DCBLD2: variants seen among roughly 807,000 people sequenced by gnomAD.
The protein encoded by DCBLD2 is discoidin, CUB and LCCL domain containing 2, also known as discoidin, CUB and LCCL domain-containing protein 2.
Under a neutral mutation model 86.8 loss-of-function variants are expected in DCBLD2, and 54 were observed. That is an observed-to-expected ratio of 0.62 (90% CI 0.50 to 0.78). The LOEUF (loss-of-function observed/expected upper bound fraction) is 0.78. Among genes scored for constraint, DCBLD2 ranks in the 30% least tolerant of loss-of-function variants. The pLI is 0.00. For missense variants in DCBLD2, 908 were observed against 954.2 expected (o/e 0.95, Z 0.64); for synonymous variants, 354 against 341.3 (o/e 1.04, Z -0.41).
At chr3:98,830,723 C>G (rs183282609) in intron 3 of DCBLD2, among the ~76,000 whole-genome samples, 39 of 152,194 alleles carry the variant, frequency 2.6e-4, no homozygotes, top group African/African-American at 9.4e-4. Context: ...TATTTGGGCT[C>G]CTTTTTGTTT....
At chr3:98,807,997 C>T in intron 13 of DCBLD2, 84 bp downstream of exon 13, 1 of 1,028,794 alleles carries the variant, frequency 9.7e-7, no homozygotes, top group Non-Finnish European at 1.3e-6. Context: ...CACTCTCAAA[C>T]AGGTAAACAT....
At chr3:98,878,920 C>T (rs140109124) in intron 2 of DCBLD2, among the ~76,000 whole-genome samples, 1 of 152,310 alleles carries the variant, frequency 6.6e-6, no homozygotes, top group African/African-American at 2.4e-5. Flanking sequence ...CAGAAAGTGA[C>T]TATGAAGTCT....
At position 98,839,163 on chromosome 3, in the gene DCBLD2, CTT is replaced by C. The variant is rs1361731379; in HGVS notation, c.571+10296_571+10297del. Among the ~76,000 whole-genome samples, 138 of 89,554 alleles carry C rather than the reference CTT, an allele frequency of 1.5e-3. 1 individual carries two copies. The highest frequency in any genetic ancestry group is 4.6e-3 in the African/African-American group (123 of 26,896). 58.8% of individuals were successfully genotyped at this position (89,554 alleles called of 152,430 possible). A position where few individuals can be genotyped will look rare whatever the true frequency, so the allele number is the denominator to read the frequency against. On this transcript the variant is annotated intron_variant, in intron 3 of 15. Transcript: ENST00000326840. ...TCCTTCCTTCTTTCTTTCTTTCTTTCTTTCTTTCCTTTCTTTCTTCCTTCCTT... is the reference window on the plus strand; with the variant it reads ...TCCTTCCTTCTTTCTTTCTTTCTTTCTCTTTCCTTTCTTTCTTCCTTCCTT...
chr3:98,865,705 T>G (rs72936644), intron 2 of DCBLD2, among the ~76,000 whole-genome samples: 1 of 134,370 alleles, frequency 7.4e-6, no homozygotes, highest in East Asian at 1.9e-4. Flanking sequence ...TACAATTTTC[T>G]TTTTTTATAT....
chr3:98,900,732 C>T, intron 1 of DCBLD2: 1 of 248,666 alleles, frequency 4.0e-6, no homozygotes, highest in Non-Finnish European at 7.9e-6. Flanking sequence ...CTTTAATAGG[C>T]TTAAGATGCT....
At chr3:98,869,225 ATGTT>A (rs1277449595) in intron 2 of DCBLD2, among the ~76,000 whole-genome samples, 5 of 152,070 alleles carry the variant, frequency 3.3e-5, no homozygotes, top group African/African-American at 1.2e-4. Context: ...CATTTTTCAT[ATGTT>A]TGTTAGTCTT....
chr3:98,878,764 A>C (rs991245055), intron 2 of DCBLD2, among the ~76,000 whole-genome samples: 4 of 152,232 alleles, frequency 2.6e-5, no homozygotes, highest in African/African-American at 9.6e-5. Flanking sequence ...ATCATCACTC[A>C]GGCCCCTTGA....
intron 15 of DCBLD2, among the ~76,000 whole-genome samples, chr3:98,800,066 T>C (rs1229904294): frequency 6.6e-6 from 1 of 152,230 alleles, no homozygotes; most frequent in African/African-American, 2.4e-5. Flanking sequence ...ATTTTGCATA[T>C]AGAATTTTCA....
chr3:98,888,694 G>A (rs1274518016), intron 1 of DCBLD2, among the ~76,000 whole-genome samples: 5 of 151,956 alleles, frequency 3.3e-5, no homozygotes, highest in East Asian at 1.9e-4. Flanking sequence ...ACAATCTGGC[G>A]AAAGTTAAGA....
In DCBLD2 at chr3:98,901,540, C is replaced by T. The variant is rs1943853004; in HGVS notation, c.-214G>A. ...CGCTCCCCGCGCCGAGACCCCAGGC[C>T]GGAGCGCAGGGGAGGGGAGGGAAGG... On this transcript the variant is annotated 5_prime_UTR_variant, in exon 1 of 16. Coordinates refer to ENST00000326840, the MANE Select transcript of DCBLD2 (RefSeq NM_080927.4). 2.6e-6 allele frequency: 1 copy of T among 391,634 alleles called. No individual in the cohort carries two copies. Among genetic ancestry groups the T allele is most frequent in the Non-Finnish European group, 4.3e-6 (1 of 233,482 alleles). 24.3% of individuals were successfully genotyped at this position (391,634 alleles called of 1,614,324 possible).
rs143819898 is a variant in DCBLD2 at position 98,883,838 on chromosome 3, T to C, written c.206-2071A>G. Among the ~76,000 whole-genome samples the C allele has an allele frequency of 9.1e-4, 139 of 152,282 alleles. 1 individual carries two copies. In the East Asian group the frequency reaches 0.021, roughly 23 times the overall value. ...TCAATATGGACACAGAGGGCTGTAA[T>C]AGAACTTTCTACTATGTTGATTATT... is the stretch of plus-strand genomic sequence containing the variant. On this transcript the variant is annotated intron_variant, in intron 1 of 15. Transcript: ENST00000326840.
At position 98,842,130 on chromosome 3, in the gene DCBLD2, A is replaced by G. The variant is rs1942632999; in HGVS notation, c.571+7331T>C. On this transcript the variant is annotated intron_variant, in intron 3 of 15. Transcript: ENST00000326840. ...TTATTTACTAGAAATAAGAAAATATAGGCCGAAACAAGAAAATGTACACCT... is the reference window on the plus strand; with the variant it reads ...TTATTTACTAGAAATAAGAAAATATGGGCCGAAACAAGAAAATGTACACCT... 2.0e-5 allele frequency among the ~76,000 whole-genome samples: 3 copies of G among 152,242 alleles called. No homozygotes were observed. The South Asian group carries it at 6.2e-4, about 32-fold the overall frequency.
intron 4 of DCBLD2, among the ~76,000 whole-genome samples, chr3:98,824,647 G>A (rs1942184977): frequency 6.6e-6 from 1 of 152,138 alleles, no homozygotes; most frequent in South Asian, 2.1e-4. Flanking sequence ...TCAGAGCACT[G>A]TAAATAACTC....
At chr3:98,807,240 A>G (rs1355856787) in intron 13 of DCBLD2, among the ~76,000 whole-genome samples, 1 of 152,126 alleles carries the variant, frequency 6.6e-6, no homozygotes, top group Non-Finnish European at 1.5e-5. Context: ...CACTCAAACA[A>G]TTGGCTCAGG....
At chr3:98,888,515 C>G (rs554060032) in intron 1 of DCBLD2, among the ~76,000 whole-genome samples, 1 of 152,094 alleles carries the variant, frequency 6.6e-6, no homozygotes, top group Non-Finnish European at 1.5e-5. Flanking sequence ...GGAATATTAA[C>G]AATTCAAGCT....
At chr3:98,837,033 T>C (rs1942476992) in intron 3 of DCBLD2, among the ~76,000 whole-genome samples, 1 of 50,782 alleles carries the variant, frequency 2.0e-5, no homozygotes, top group Non-Finnish European at 3.8e-5. Flanking sequence ...ACGGGGCGGC[T>C]GGCCGGGCGG....
chr3:98,870,739 A>AAGAAAGAAAGAAAGAAAGAAAGAAAG (rs1943254047), intron 2 of DCBLD2, among the ~76,000 whole-genome samples: 1 of 49,316 alleles, frequency 2.0e-5, no homozygotes, highest in Non-Finnish European at 4.1e-5. Context: ...AAGAAAGAAA[A>AAGAAAGAAAGAAAGAAAGAAAGAAAG]AGAAAGAAAG....
chr3:98,839,144 C>CTTCCTTCCTTCCTTCTTTCTTTCTTTCT (rs1491105632), intron 3 of DCBLD2, among the ~76,000 whole-genome samples: 1 of 110,954 alleles, frequency 9.0e-6, no homozygotes, highest in East Asian at 2.2e-4. Flanking sequence ...TCCTTCCTTC[C>CTTCCTTCCTTCCTTCTTTCTTTCTTTCT]TTCTTTCTTT....
At chr3:98,807,901 A>T (rs1233287999) in intron 13 of DCBLD2, 180 bp downstream of exon 13, 1 of 398,970 alleles carries the variant, frequency 2.5e-6, no homozygotes, top group Admixed American at 4.5e-5. Flanking sequence ...GGTACTTAGT[A>T]ACTGATTGTG....
Sources: gnomAD v4.1 joint callset for allele counts (sites outside exome capture counted in the v4.1 genomes callset) on GRCh38, gnomAD v4.1.1 for gene constraint, MANE v1.5 for transcripts, NCBI Gene and HGNC (gene_info 2026-07-23, HGNC 2026-07-21) for gene names.